The following LAMA2 variants were observed in gnomAD, a reference collection of about 807,000 sequenced individuals.
LAMA2 encodes the protein laminin subunit alpha 2.
Under a neutral mutation model 364.8 loss-of-function variants are expected in LAMA2, and 269 were observed. The observed-to-expected ratio is 0.74, with a 90% CI of 0.67 to 0.82. The LOEUF is 0.82. Ranked by LOEUF, LAMA2 falls within the 40% of genes least tolerant of loss-of-function variation. The probability of loss-of-function intolerance (pLI) is 0.00; values close to 1 mark genes in which losing one functional copy is unlikely to be tolerated. For missense variants in LAMA2, 3,807 were observed against 3,873.2 expected, an observed-to-expected ratio of 0.98 and a Z score of 0.45; for synonymous variants, 1,379 against 1,370.6, an observed-to-expected ratio of 1.01 and a Z score of -0.14.
chr6:129,068,086 TA>T (rs1773054941), intron 3 of LAMA2, among the ~76,000 whole-genome samples: 1 of 152,212 alleles, frequency 6.6e-6, no homozygotes, highest in South Asian at 2.1e-4. Flanking sequence ...TCTAAGCACT[TA>T]GAATAGTGCA....
intron 2 of LAMA2, among the ~76,000 whole-genome samples, chr6:129,056,282 C>T (rs1788483306): frequency 1.3e-5 from 2 of 152,164 alleles, no homozygotes; most frequent in South Asian, 2.1e-4. Context: ...CTTATTTCAC[C>T]AGGGTCATTT....
At chr6:129,077,380 C>T (rs1324253352) in intron 3 of LAMA2, among the ~76,000 whole-genome samples, 1 of 152,058 alleles carries the variant, frequency 6.6e-6, no homozygotes, top group East Asian at 1.9e-4. Context: ...GAAAATTAAA[C>T]TAGTGACAAA....
intron 1 of LAMA2, among the ~76,000 whole-genome samples, chr6:129,017,247 G>A (rs1785137518): frequency 6.6e-6 from 1 of 151,864 alleles, no homozygotes; most frequent in Admixed American, 6.6e-5. Context: ...TTTTTATAAA[G>A]TTCAGCAATT....
intron 11 of LAMA2, 68 bp downstream of exon 11, chr6:129,190,413 T>C: frequency 6.7e-7 from 1 of 1,499,874 alleles, no homozygotes; most frequent in Non-Finnish European, 9.2e-7. Context: ...ATCGTTGTTC[T>C]TTTGTATGAA....
intron 18 of LAMA2, among the ~76,000 whole-genome samples, chr6:129,284,754 C>T (rs1460266605): frequency 6.6e-6 from 1 of 152,062 alleles, no homozygotes; most frequent in Non-Finnish European, 1.5e-5. Flanking sequence ...ACCTCTCCCT[C>T]TCTCTCTTCC....
intron 3 of LAMA2, among the ~76,000 whole-genome samples, chr6:129,081,580 A>G (rs1353527352): frequency 6.6e-6 from 1 of 152,168 alleles, no homozygotes; most frequent in African/African-American, 2.4e-5. Flanking sequence ...TTCAATTGCA[A>G]TAGGTTAAAC....
At chr6:129,328,067 A>C (rs1277958340) in intron 28 of LAMA2, among the ~76,000 whole-genome samples, 1 of 152,200 alleles carries the variant, frequency 6.6e-6, no homozygotes, top group Non-Finnish European at 1.5e-5. Flanking sequence ...CTTGGTTAAA[A>C]TCTGATTACA....
At chr6:129,126,509 AT>A (rs572857767) in intron 4 of LAMA2, among the ~76,000 whole-genome samples, 1 of 152,034 alleles carries the variant, frequency 6.6e-6, no homozygotes, top group East Asian at 1.9e-4. Context: ...AGAATGGTTC[AT>A]TTTTTTTCTC....
At chr6:129,358,318 G>A (rs1319255980) in intron 32 of LAMA2, among the ~76,000 whole-genome samples, 1 of 151,992 alleles carries the variant, frequency 6.6e-6, no homozygotes, top group Non-Finnish European at 1.5e-5. Context: ...AAGCTGTTCT[G>A]CTAGCTGATT....
At chr6:129,463,473 A>C (rs1783371369) in intron 49 of LAMA2, among the ~76,000 whole-genome samples, 1 of 152,004 alleles carries the variant, frequency 6.6e-6, no homozygotes, top group Non-Finnish European at 1.5e-5. Flanking sequence ...AGCCACTCCC[A>C]GTCCACAACT....
chr6:129,304,768 G>A (rs1453765381), intron 22 of LAMA2, among the ~76,000 whole-genome samples: 1 of 152,042 alleles, frequency 6.6e-6, no homozygotes, highest in Non-Finnish European at 1.5e-5. Flanking sequence ...AAATATTTGG[G>A]GAATTTTCAA....
chr6:129,447,690 G>C (rs1462095158), intron 45 of LAMA2, among the ~76,000 whole-genome samples: 1 of 152,202 alleles, frequency 6.6e-6, no homozygotes, highest in East Asian at 1.9e-4. Context: ...TCCAGAAGCA[G>C]TGTATGGGGT....
chr6:129,177,946 A>G (rs2115016467), intron 10 of LAMA2, 80 bp downstream of exon 10: 3 of 1,415,532 alleles, frequency 2.1e-6, no homozygotes, highest in East Asian at 4.6e-5. Flanking sequence ...TTTCCTTGGC[A>G]TTAAGCAATT....
intron 37 of LAMA2, among the ~76,000 whole-genome samples, chr6:129,398,662 C>T (rs561326137): frequency 1.9e-4 from 29 of 151,756 alleles, no homozygotes; most frequent in Middle Eastern, 3.4e-3. Flanking sequence ...TTAGTAGAGA[C>T]GAGGTTTCAC....
intron 12 of LAMA2, among the ~76,000 whole-genome samples, chr6:129,244,370 A>T (rs1785599045): frequency 6.6e-6 from 1 of 152,110 alleles, no homozygotes; most frequent in South Asian, 2.1e-4. Context: ...TATGGGAGGG[A>T]TACCTTTTCA....
At position 129,300,721 on chromosome 6, in the gene LAMA2, C is replaced by T; in HGVS notation, c.3038-15C>T. On this transcript the variant is annotated splice_polypyrimidine_tract_variant and intron_variant, in intron 21 of 64. Coordinates refer to ENST00000421865, the MANE Select transcript of LAMA2 (RefSeq NM_000426.4). Reference sequence around the variant, plus strand: ...ATTTTTCCCCTTCTTTGTTTTCCCTCTTATACCGGTGAAGCTTGTGAATGT... The same window carrying T: ...ATTTTTCCCCTTCTTTGTTTTCCCTTTTATACCGGTGAAGCTTGTGAATGT... The T allele has an allele frequency of 1.9e-6, 3 of 1,613,418 alleles. No individual in the cohort carries two copies. The highest frequency in any genetic ancestry group is 1.1e-5 in the South Asian group (1 of 91,060).
Position 129,401,360 on chromosome 6 carries a change from C to A in LAMA2, c.5562+20C>A. 1 of 1,397,560 alleles carries A rather than the reference C, an allele frequency of 7.2e-7. No homozygotes were observed. The highest frequency in any genetic ancestry group is 1.0e-6 in the Non-Finnish European group (1 of 983,922). 86.6% of individuals were successfully genotyped at this position (1,397,560 alleles called of 1,614,324 possible). On this transcript the variant is annotated intron_variant, in intron 38 of 64. Transcript: ENST00000421865. The stretch of plus-strand genomic sequence containing the variant: ...ATAGACGTGAGTATTGGGTAAAACT[C>A]AAAAGAGAGATGATAATGAATAAAT...
intron 43 of LAMA2, chr6:129,442,321 C>T (rs1393846629): frequency 1.7e-5 from 14 of 800,678 alleles, no homozygotes. Flanking sequence ...AACTTCAGAG[C>T]CAGGGTGAAA....
chr6:129,279,293 A>G (rs191351500), intron 17 of LAMA2, among the ~76,000 whole-genome samples: 2 of 152,260 alleles, frequency 1.3e-5, no homozygotes, highest in East Asian at 3.9e-4. Flanking sequence ...GCAAAGAAGC[A>G]TGGCTGGAGT....
Sources: allele counts gnomAD v4.1 joint callset (sites outside exome capture counted in the v4.1 genomes callset), GRCh38; gene constraint gnomAD v4.1.1; transcripts MANE v1.5; gene names NCBI Gene and HGNC (gene_info 2026-07-23, HGNC 2026-07-21).